Variants in MAGI1 observed in about 807,000 individuals in gnomAD.
MAGI1 encodes the protein membrane associated guanylate kinase, WW and PDZ domain containing 1.
Under a neutral mutation model 139.9 loss-of-function variants are expected in MAGI1, and 58 were observed. The ratio of observed to expected loss-of-function variants is 0.41; its 90% CI spans 0.34 to 0.52. MAGI1 has a LOEUF of 0.52. MAGI1 is among the 20% of genes least tolerant of loss of function. The pLI, the probability that MAGI1 is intolerant of heterozygous loss-of-function variation, is 0.12. For synonymous variants in MAGI1, 812 were observed against 737.9 expected (o/e 1.10, Z -1.63); for missense variants, 1,874 against 1,901.6 (o/e 0.99, Z 0.27).
chr3:65,520,214 T>G (rs1259198983), intron 2 of MAGI1, among the ~76,000 whole-genome samples: 1 of 152,212 alleles, frequency 6.6e-6, no homozygotes, highest in Non-Finnish European at 1.5e-5. Flanking sequence ...TGCTTATTAT[T>G]TTTTAAGCCA....
chr3:65,997,587 C>T (rs1300125895), intron 1 of MAGI1, among the ~76,000 whole-genome samples: 4 of 152,130 alleles, frequency 2.6e-5, no homozygotes, highest in South Asian at 4.2e-4. Flanking sequence ...ACCTGGGAGG[C>T]GGAGGTTGCA....
intron 1 of MAGI1, among the ~76,000 whole-genome samples, chr3:66,020,998 C>A (rs952442781): frequency 6.6e-6 from 1 of 152,168 alleles, no homozygotes; most frequent in Non-Finnish European, 1.5e-5. Context: ...CTACCCCAAG[C>A]TTTCAAAGTT....
At chr3:65,802,736 G>A (rs2040591313) in intron 1 of MAGI1, among the ~76,000 whole-genome samples, 1 of 152,092 alleles carries the variant, frequency 6.6e-6, no homozygotes. Flanking sequence ...CTGACTGAAT[G>A]GATGACTGAA....
chr3:65,806,774 C>A (rs1370556027), intron 1 of MAGI1, among the ~76,000 whole-genome samples: 1 of 152,140 alleles, frequency 6.6e-6, no homozygotes, highest in Non-Finnish European at 1.5e-5. Flanking sequence ...ATATACCATG[C>A]CTGGACCCTG....
intron 9 of MAGI1, among the ~76,000 whole-genome samples, chr3:65,439,036 T>G (rs1948048601): frequency 6.6e-6 from 1 of 152,166 alleles, no homozygotes; most frequent in Admixed American, 6.5e-5. Flanking sequence ...CTATTTGATA[T>G]TCACATATTA....
At position 65,516,885 on chromosome 3, in the gene MAGI1, G is replaced by A. The variant is rs934194566; in HGVS notation, c.431-23254C>T. ...TGGGACTACAGGCGCCCGCCACTAC[G>A]CCCGGCTAATTTTTTTGTATTTTTA... On this transcript the variant is annotated intron_variant, in intron 2 of 22. Transcript: ENST00000402939. Among the ~76,000 whole-genome samples, 52 of 94,458 alleles carry A rather than the reference G, an allele frequency of 5.5e-4. No individual in the cohort carries two copies. In the Middle Eastern group the frequency reaches 0.015, roughly 26 times the overall value. The allele number at this position is 94,458 out of a possible 152,430, so 62.0% of individuals were successfully genotyped here.
intron 1 of MAGI1, among the ~76,000 whole-genome samples, chr3:65,981,656 A>C (rs1175455517): frequency 6.6e-6 from 1 of 152,114 alleles, no homozygotes; most frequent in Non-Finnish European, 1.5e-5. Flanking sequence ...ACCCGGTGGG[A>C]GATAACTGAA....
At chr3:65,640,416 G>T (rs536409277) in intron 1 of MAGI1, among the ~76,000 whole-genome samples, 27 of 152,220 alleles carry the variant, frequency 1.8e-4, no homozygotes, top group African/African-American at 6.0e-4. Flanking sequence ...GGCCTCTCCT[G>T]TTCTAAGAGC....
intron 7 of MAGI1, among the ~76,000 whole-genome samples, chr3:65,446,444 A>G (rs2107460153): frequency 6.6e-6 from 1 of 152,338 alleles, no homozygotes; most frequent in South Asian, 2.1e-4. Context: ...TAACAGCACA[A>G]GCAAGTCACC....
intron 2 of MAGI1, among the ~76,000 whole-genome samples, chr3:65,528,535 A>G (rs1056731765): frequency 1.3e-5 from 2 of 152,348 alleles, no homozygotes; most frequent in Admixed American, 6.5e-5. Context: ...CGGGTCACAG[A>G]ACCATCTGCA....
chr3:65,991,742 C>T (rs1172503008), intron 1 of MAGI1, among the ~76,000 whole-genome samples: 1 of 152,180 alleles, frequency 6.6e-6, no homozygotes, highest in African/African-American at 2.4e-5. Context: ...AGGCCAGGCA[C>T]GGTGGCTCGT....
chr3:65,446,493 T>A (rs1948681798), intron 7 of MAGI1, among the ~76,000 whole-genome samples: 1 of 152,172 alleles, frequency 6.6e-6, no homozygotes, highest in Non-Finnish European at 1.5e-5. Flanking sequence ...TGCAGAAACT[T>A]CTTTCCTGAA....
chr3:65,517,271 G>T (rs2107785694), intron 2 of MAGI1, among the ~76,000 whole-genome samples: 1 of 152,218 alleles, frequency 6.6e-6, no homozygotes, highest in South Asian at 2.1e-4. Flanking sequence ...CCCAGTGCTT[G>T]CTCCCAAACT....
chr3:65,942,267 T>A (rs140828472), intron 1 of MAGI1, among the ~76,000 whole-genome samples: 4 of 151,682 alleles, frequency 2.6e-5, no homozygotes, highest in Non-Finnish European at 5.9e-5. Flanking sequence ...ATCCTGACAT[T>A]AGTGAAATAT....
intron 12 of MAGI1, among the ~76,000 whole-genome samples, chr3:65,420,709 G>A (rs1245085060): frequency 6.6e-6 from 1 of 152,142 alleles, no homozygotes; most frequent in Non-Finnish European, 1.5e-5. Context: ...CCAGCCAAGG[G>A]AATGAAATTC....
intron 12 of MAGI1, among the ~76,000 whole-genome samples, chr3:65,411,341 T>C (rs1206546407): frequency 6.6e-6 from 1 of 152,218 alleles, no homozygotes; most frequent in Non-Finnish European, 1.5e-5. Context: ...TTGCTTTTTA[T>C]GCAAATACTT....
chr3:65,364,677 G>T lies in MAGI1; in HGVS notation c.3339C>A (p.Pro1113=). ...ACATGGTGCTCACCTGTGTTGCTTG[G>T]GGTGCTTTGAACTCAAATTGAGATT... ...KQESQFEFKA[P]QATQEQDFYT... is the part of the protein sequence containing the mutation. Residue 1113 remains proline, a synonymous_variant, in exon 20 of 23, where the codon CCC becomes CCA. Coordinates refer to ENST00000402939, the MANE Select transcript of MAGI1 (RefSeq NM_001033057.2). 3 of 1,613,916 alleles carry T rather than the reference G, an allele frequency of 1.9e-6. No homozygotes were observed. Among genetic ancestry groups the T allele is most frequent in the Non-Finnish European group, 2.5e-6 (3 of 1,179,878 alleles).
chr3:65,580,972 C>T (rs1404540), intron 2 of MAGI1, among the ~76,000 whole-genome samples: 4 of 151,902 alleles, frequency 2.6e-5, no homozygotes, highest in Admixed American at 6.6e-5. Context: ...ATCTCAGTAA[C>T]GGATGACTCC....
At position 65,555,831 on chromosome 3, in the gene MAGI1, T is replaced by TGA. The variant is rs910898617; in HGVS notation, c.431-62202_431-62201dup. On this transcript the variant is annotated intron_variant, in intron 2 of 22. Coordinates refer to ENST00000402939, the MANE Select transcript of MAGI1 (RefSeq NM_001033057.2). Reference sequence around the variant, plus strand: ...ATGTTCATGCCACTGCACACCAGCCTGAGAGAGCAAGACCCTGTCTCAAAA... The same window carrying TGA: ...ATGTTCATGCCACTGCACACCAGCCTGAGAGAGAGCAAGACCCTGTCTCAAAA... Among the ~76,000 whole-genome samples, 7 of 152,260 alleles carry TGA rather than the reference T, an allele frequency of 4.6e-5. No homozygotes were observed. In the East Asian group the frequency reaches 5.8e-4, roughly 13 times the overall value.
Sources: allele counts gnomAD v4.1 joint callset (sites outside exome capture counted in the v4.1 genomes callset), GRCh38; gene constraint gnomAD v4.1.1; transcripts MANE v1.5; gene names NCBI Gene and HGNC (gene_info 2026-07-23, HGNC 2026-07-21).